RBM41: variants seen among roughly 807,000 people sequenced by gnomAD.
RBM41 encodes the protein RNA-binding protein 41.
Under a neutral mutation model 30.8 loss-of-function variants are expected in RBM41, and 14 were observed. The ratio of observed to expected loss-of-function variants is 0.45; its 90% CI spans 0.30 to 0.71. The LOEUF (loss-of-function observed/expected upper bound fraction) is 0.71. Among genes scored for constraint, RBM41 ranks in the 30% least tolerant of loss-of-function variants. RBM41 has a pLI of 0.08. For synonymous variants in RBM41, 120 were observed against 110.1 expected, an observed-to-expected ratio of 1.09 and a Z score of -0.56; for missense variants, 276 against 326.3, an observed-to-expected ratio of 0.85 and a Z score of 1.19.
intron 6 of RBM41, among the ~76,000 whole-genome samples, chrX:107,071,851 C>T: frequency 9.0e-6 from 1 of 111,380 alleles, no homozygotes; most frequent in Non-Finnish European, 1.9e-5. Flanking sequence ...GCATGGATAC[C>T]TACTCTCACT....
At chrX:107,087,133 T>C (rs1012933611) in intron 6 of RBM41, among the ~76,000 whole-genome samples, 7 of 111,643 alleles carry the variant, frequency 6.3e-5, no homozygotes, top group Non-Finnish European at 1.1e-4. Context: ...TCTTCAGGAA[T>C]ATCTATAATG....
chrX:107,067,140 T>G lies in RBM41; in HGVS notation c.*387A>C. ...AAATGGGCTCTAGTAAAGAAATATTTCAACATTTAATTAGTTTTTTATTTC... is the reference window on the plus strand; with the variant it reads ...AAATGGGCTCTAGTAAAGAAATATTGCAACATTTAATTAGTTTTTTATTTC... On this transcript the variant is annotated 3_prime_UTR_variant, in exon 8 of 8. Coordinates refer to ENST00000685964, the MANE Select transcript of RBM41 (RefSeq NM_001324242.2). 1 of 749,286 alleles carries G rather than the reference T, an allele frequency of 1.3e-6. No homozygotes were observed. The highest frequency in any genetic ancestry group is 1.6e-6 in the Non-Finnish European group (1 of 634,227). The allele number at this position is 749,286 out of a possible 1,213,427, so 61.7% of individuals were successfully genotyped here. A position where few individuals can be genotyped will look rare whatever the true frequency, so the allele number is the denominator to read the frequency against.
intron 5 of RBM41, among the ~76,000 whole-genome samples, chrX:107,090,503 A>T (rs1357191378): frequency 8.9e-6 from 1 of 111,855 alleles, no homozygotes; most frequent in Non-Finnish European, 1.9e-5. Context: ...AAATTATCCC[A>T]CTTAAGACCA....
At chrX:107,057,220 T>G (rs760224305), downstream of RBM41, among the ~76,000 whole-genome samples, 4 of 111,006 alleles carry the variant, frequency 3.6e-5, no homozygotes, top group African/African-American at 1.3e-4. Context: ...TCAGTTTACT[T>G]TGATTTCATT....
chrX:107,090,788 TATTTA>T (rs1335829030), intron 5 of RBM41, among the ~76,000 whole-genome samples: 7 of 111,531 alleles, frequency 6.3e-5, no homozygotes, highest in African/African-American at 2.3e-4. Flanking sequence ...TATTTTATTT[TATTTA>T]TTTTTTTTTA....
intron 5 of RBM41, chrX:107,113,028 T>C: frequency 4.6e-6 from 1 of 215,433 alleles, no homozygotes; most frequent in Non-Finnish European, 8.6e-6. Context: ...CATGCAATTT[T>C]ATTGGAAGTT....
intron 5 of RBM41, among the ~76,000 whole-genome samples, chrX:107,093,318 T>C (rs746622710): frequency 1.8e-5 from 2 of 111,701 alleles, no homozygotes; most frequent in South Asian, 7.6e-4. Flanking sequence ...TCTATCATAC[T>C]GATATTAGAG....
chrX:107,057,378 C>A (rs1402027417), downstream of RBM41, among the ~76,000 whole-genome samples: 6 of 111,742 alleles, frequency 5.4e-5, no homozygotes, highest in African/African-American at 2.0e-4. Context: ...TTTTTGTTTT[C>A]ATTTGTCTCT....
rs181876471 is a variant in RBM41 at position 107,077,733 on chromosome X, A to G, written c.1000-8331T>C. Among the ~76,000 whole-genome samples, 1,101 of 111,650 alleles carry G rather than the reference A, an allele frequency of 9.9e-3. 6 individuals carry two copies. The highest frequency in any genetic ancestry group is 0.015 in the Non-Finnish European group (803 of 53,074). On this transcript the variant is annotated intron_variant, in intron 6 of 7. Coordinates refer to ENST00000685964, the MANE Select transcript of RBM41 (RefSeq NM_001324242.2). Reference sequence around the variant, plus strand: ...TATGCAATACACGGTATTATTTTACATGTTTTCAACTTCATGTAATATAGC... The same window carrying G: ...TATGCAATACACGGTATTATTTTACGTGTTTTCAACTTCATGTAATATAGC...
intron 5 of RBM41, among the ~76,000 whole-genome samples, chrX:107,105,830 A>T (rs9697828): frequency 0.36 from 39,559 of 109,924 alleles, 7,798 homozygotes; most frequent in African/African-American, 0.75. Context: ...GAAAGCTGAA[A>T]CTGGATCCCT....
At chrX:107,074,328 TC>T (rs1451537159) in intron 6 of RBM41, among the ~76,000 whole-genome samples, 6 of 111,447 alleles carry the variant, frequency 5.4e-5, no homozygotes, top group Middle Eastern at 4.7e-3. Context: ...AATCAAGACA[TC>T]GATTTTTCTC....
At position 107,067,200 on chromosome X, in the gene RBM41, C is replaced by T; in HGVS notation, c.*327G>A. On this transcript the variant is annotated 3_prime_UTR_variant, in exon 8 of 8. Coordinates refer to ENST00000685964, the MANE Select transcript of RBM41 (RefSeq NM_001324242.2). ...GAAGCAGTCTAAGAAAGAATGTTAT[C>T]TCTAGAGACAAATATTGAGGACCCC... The T allele has an allele frequency of 3.9e-6, 3 of 777,947 alleles. No homozygotes were observed. Among genetic ancestry groups the T allele is most frequent in the Non-Finnish European group, 4.6e-6 (3 of 653,543 alleles). 64.1% of individuals were successfully genotyped at this position (777,947 alleles called of 1,213,427 possible).
intron 6 of RBM41, among the ~76,000 whole-genome samples, chrX:107,076,211 G>A (rs967267362): frequency 1.8e-5 from 2 of 108,910 alleles, no homozygotes; most frequent in East Asian, 5.7e-4. Flanking sequence ...CAGCTACATG[G>A]GAGGCTGTGA....
At position 107,115,537 on chromosome X, in the gene RBM41, G is replaced by A; in HGVS notation, c.338C>T (p.Thr113Ile). ...SGEKKTKLRA[T>I]PEAIQNRLQD... ...AAGACGGTTCTGTATTGCTTCAGGA[G>A]TTGCCCTCAGTTTTGTCTTCTGAAA... Residue 113 changes from threonine to isoleucine, a missense_variant, in exon 4 of 8, where the codon ACT (threonine) becomes ATT (isoleucine). Coordinates refer to ENST00000685964, the MANE Select transcript of RBM41 (RefSeq NM_001324242.2). 8.3e-7 allele frequency: 1 copy of A among 1,208,911 alleles called. No homozygotes were observed. The highest frequency in any genetic ancestry group is 1.1e-6 in the Non-Finnish European group (1 of 893,228).
the RBM41 span, among the ~76,000 whole-genome samples, chrX:107,052,183 G>C: frequency 9.0e-6 from 1 of 111,682 alleles, no homozygotes; most frequent in Non-Finnish European, 1.9e-5. Context: ...CAAAGGGAGG[G>C]GACCCAAAGA....
intron 6 of RBM41, among the ~76,000 whole-genome samples, chrX:107,070,905 C>T (rs1936034361): frequency 9.2e-6 from 1 of 108,779 alleles, no homozygotes; most frequent in African/African-American, 3.4e-5. Context: ...ACAGCATGCA[C>T]CACCACAACT....
chrX:107,098,119 T>C (rs1923138627), intron 5 of RBM41, among the ~76,000 whole-genome samples: 1 of 111,403 alleles, frequency 9.0e-6, no homozygotes, highest in Non-Finnish European at 1.9e-5. Flanking sequence ...TGAGAAGAAA[T>C]AGAAAACAGA....
chrX:107,070,341 C>A, intron 6 of RBM41: 1 of 331,164 alleles, frequency 3.0e-6, no homozygotes, highest in Non-Finnish European at 5.9e-6. Context: ...CCTCCCAGTC[C>A]TTTTCTGCCA....
At chrX:107,060,348 T>C (rs1002314787), downstream of RBM41, among the ~76,000 whole-genome samples, 1 of 110,276 alleles carries the variant, frequency 9.1e-6, no homozygotes, top group African/African-American at 3.3e-5. Flanking sequence ...TGTGATAGTA[T>C]TAAGTGGTGG....
Sources: allele counts gnomAD v4.1 joint callset (sites outside exome capture counted in the v4.1 genomes callset), GRCh38; gene constraint gnomAD v4.1.1; transcripts MANE v1.5; gene names NCBI Gene and HGNC (gene_info 2026-07-23, HGNC 2026-07-21).